The following SLC9A9 variants were observed in gnomAD, a reference collection of about 807,000 sequenced individuals.
SLC9A9 encodes the protein solute carrier family 9 member A9, also known as sodium/hydrogen exchanger 9.
In SLC9A9, 62 loss-of-function variants were observed where a neutral mutation model predicts 77.8. That is an observed-to-expected ratio of 0.80 (90% CI 0.65 to 0.98). SLC9A9 has a LOEUF of 0.98. Ranked by LOEUF, SLC9A9 falls within the 50% of genes least tolerant of loss-of-function variation. SLC9A9 has a pLI of 0.00. For synonymous variants in SLC9A9, 320 were observed against 283.5 expected (o/e 1.13, Z -1.29); for missense variants, 775 against 774.9 (o/e 1.00, Z 0.00).
At chr3:143,619,383 C>G (rs977813132) in intron 6 of SLC9A9, among the ~76,000 whole-genome samples, 15 of 152,144 alleles carry the variant, frequency 9.9e-5, no homozygotes, top group African/African-American at 3.4e-4. Context: ...AAAAAGGAAG[C>G]TTACGCAAAG....
At chr3:143,780,898 T>C (rs2007851878) in intron 4 of SLC9A9, among the ~76,000 whole-genome samples, 1 of 152,200 alleles carries the variant, frequency 6.6e-6, no homozygotes, top group Non-Finnish European at 1.5e-5. Flanking sequence ...ATTTATAACA[T>C]AAATATTCTT....
chr3:143,532,994 T>G (rs958046554), intron 9 of SLC9A9, among the ~76,000 whole-genome samples: 1 of 152,164 alleles, frequency 6.6e-6, no homozygotes, highest in African/African-American at 2.4e-5. Context: ...ACCCTGTTAC[T>G]CCCCTCAGAG....
intron 1 of SLC9A9, 55 bp downstream of exon 1, chr3:143,848,093 T>A (rs2009867142): frequency 6.6e-7 from 1 of 1,510,276 alleles, no homozygotes; most frequent in Non-Finnish European, 9.2e-7. Flanking sequence ...AGCACAAGTC[T>A]CTAATTACGC....
chr3:143,435,457 A>G (rs1462231904), intron 12 of SLC9A9, among the ~76,000 whole-genome samples: 2 of 152,232 alleles, frequency 1.3e-5, no homozygotes, highest in Non-Finnish European at 2.9e-5. Flanking sequence ...CTTCAAAACT[A>G]TTAAAATGTG....
intron 6 of SLC9A9, among the ~76,000 whole-genome samples, chr3:143,614,168 T>G (rs1245924336): frequency 1.3e-5 from 2 of 152,154 alleles, no homozygotes; most frequent in Non-Finnish European, 2.9e-5. Flanking sequence ...AGGCAGGCAA[T>G]AAGGGTACCA....
intron 6 of SLC9A9, among the ~76,000 whole-genome samples, chr3:143,590,236 C>T (rs979277580): frequency 6.6e-6 from 1 of 152,156 alleles, no homozygotes; most frequent in East Asian, 1.9e-4. Context: ...ATGGTGATAA[C>T]AATTGTGTTT....
chr3:143,384,252 AGGTGTGGAGGCTC>A (rs1292331075), intron 12 of SLC9A9, among the ~76,000 whole-genome samples: 7 of 152,116 alleles, frequency 4.6e-5, no homozygotes, highest in Non-Finnish European at 8.8e-5. Context: ...AGTGGGACCC[AGGTGTGGAGGCTC>A]CCAGCCCCCT....
At chr3:143,343,481 T>C (rs1044239879) in intron 14 of SLC9A9, 9 of 152,024 alleles carry the variant, frequency 5.9e-5, no homozygotes, top group Admixed American at 2.6e-4. Flanking sequence ...GTCGAAAAAA[T>C]CAACGGCATG....
intron 6 of SLC9A9, among the ~76,000 whole-genome samples, chr3:143,584,047 C>T (rs897057018): frequency 6.6e-6 from 1 of 152,142 alleles, no homozygotes; most frequent in East Asian, 1.9e-4. Context: ...GAGTGAAATG[C>T]TGCTGATAGT....
intron 5 of SLC9A9, among the ~76,000 whole-genome samples, chr3:143,656,043 G>A (rs1157413293): frequency 6.6e-6 from 1 of 152,172 alleles, no homozygotes; most frequent in Non-Finnish European, 1.5e-5. Context: ...GGAGAAGGCA[G>A]AAGAAAACTG....
At chr3:143,363,002 AT>A (rs1319576642) in intron 14 of SLC9A9, among the ~76,000 whole-genome samples, 1 of 152,168 alleles carries the variant, frequency 6.6e-6, no homozygotes, top group Non-Finnish European at 1.5e-5. Context: ...TGGCCCATTT[AT>A]TTTTGTTCCC....
At chr3:143,458,143 TTCTG>T (rs1446462243) in intron 12 of SLC9A9, among the ~76,000 whole-genome samples, 3 of 152,168 alleles carry the variant, frequency 2.0e-5, no homozygotes, top group Non-Finnish European at 4.4e-5. Context: ...TTTTATATAG[TTCTG>T]TCTTTTTGGA....
At position 143,501,781 on chromosome 3, in the gene SLC9A9, T is replaced by C. The variant is rs963199182; in HGVS notation, c.1090-6333A>G. Among the ~76,000 whole-genome samples, 14 of 150,834 alleles carry C rather than the reference T, an allele frequency of 9.3e-5. 2 individuals carry two copies. The highest frequency in any genetic ancestry group is 3.2e-4 in the African/African-American group (13 of 40,148). ...TTTGAATGAACAGTCTTCATAATAA[T>C]TTCCTTCTTGGGGCATTTAATGAGA... On this transcript the variant is annotated intron_variant, in intron 9 of 15. Transcript: ENST00000316549.
At chr3:143,799,532 G>A (rs970492887) in intron 2 of SLC9A9, among the ~76,000 whole-genome samples, 2 of 152,186 alleles carry the variant, frequency 1.3e-5, no homozygotes, top group African/African-American at 4.8e-5. Flanking sequence ...GGTTCTTCCA[G>A]AACCTCCTCA....
intron 12 of SLC9A9, among the ~76,000 whole-genome samples, chr3:143,460,686 T>C (rs1438725193): frequency 6.6e-6 from 1 of 152,160 alleles, no homozygotes; most frequent in Non-Finnish European, 1.5e-5. Flanking sequence ...GACTGTTATC[T>C]CTGGACCTGA....
At chr3:143,760,324 T>A (rs947245734) in intron 4 of SLC9A9, among the ~76,000 whole-genome samples, 1 of 152,146 alleles carries the variant, frequency 6.6e-6, no homozygotes, top group Non-Finnish European at 1.5e-5. Flanking sequence ...CTATTCAGCA[T>A]AGTGTTGGAA....
At chr3:143,370,456 A>C (rs1225703439) in intron 13 of SLC9A9, among the ~76,000 whole-genome samples, 1 of 152,150 alleles carries the variant, frequency 6.6e-6, no homozygotes, top group Non-Finnish European at 1.5e-5. Context: ...AGTTCACAGC[A>C]TCTCACTGTA....
At chr3:143,534,472 C>A (rs751309983) in intron 9 of SLC9A9, among the ~76,000 whole-genome samples, 1 of 152,168 alleles carries the variant, frequency 6.6e-6, no homozygotes, top group Non-Finnish European at 1.5e-5. Flanking sequence ...GCATTAGATG[C>A]CTCACCCAGA....
At chr3:143,806,072 C>A (rs957167760) in intron 2 of SLC9A9, among the ~76,000 whole-genome samples, 7 of 150,750 alleles carry the variant, frequency 4.6e-5, no homozygotes, top group Non-Finnish European at 8.9e-5. Context: ...TTTTCCCCCC[C>A]ACCTCTTCCC....
Sources: allele counts gnomAD v4.1 joint callset (sites outside exome capture counted in the v4.1 genomes callset), GRCh38; gene constraint gnomAD v4.1.1; transcripts MANE v1.5; gene names NCBI Gene and HGNC (gene_info 2026-07-23, HGNC 2026-07-21).